TES: variants seen among roughly 807,000 people sequenced by gnomAD.
The protein encoded by TES is testin LIM domain protein.
Under a neutral mutation model 48.2 loss-of-function variants are expected in TES, and 41 were observed. That is an observed-to-expected ratio of 0.85 (90% confidence interval 0.66 to 1.10). TES has a LOEUF of 1.10. TES is among the 50% of genes least tolerant of loss of function. The pLI, the probability that TES is intolerant of heterozygous loss-of-function variation, is 0.00. For synonymous variants in TES, 162 were observed against 174.9 expected, an observed-to-expected ratio of 0.93 and a Z score of 0.58; for missense variants, 463 against 515.1, an observed-to-expected ratio of 0.90 and a Z score of 0.98.
chr7:116,221,265 T>A (rs1218629938), intron 1 of TES, among the ~76,000 whole-genome samples: 6 of 152,170 alleles, frequency 3.9e-5, no homozygotes, highest in Non-Finnish European at 8.8e-5. Flanking sequence ...CATGTGCCAA[T>A]CGCTATGCAA....
intron 2 of TES, chr7:116,238,140 C>T (rs1455633713): frequency 6.6e-6 from 1 of 152,150 alleles, no homozygotes; most frequent in African/African-American, 2.4e-5. Flanking sequence ...ATACCCAGAC[C>T]TCATTCTTCA....
intron 1 of TES, chr7:116,211,374 G>A (rs970052708): frequency 2.0e-5 from 3 of 152,186 alleles, no homozygotes; most frequent in Admixed American, 6.5e-5. Flanking sequence ...TCCTTGTTTG[G>A]CAGGTAGTCC....
intron 1 of TES, among the ~76,000 whole-genome samples, chr7:116,228,899 G>T (rs1403260842): frequency 6.6e-6 from 1 of 150,522 alleles, no homozygotes; most frequent in African/African-American, 2.4e-5. Context: ...CCCTGAACAC[G>T]CCAGTGACAC....
At chr7:116,213,980 T>G (rs1799466512) in intron 1 of TES, among the ~76,000 whole-genome samples, 1 of 152,118 alleles carries the variant, frequency 6.6e-6, no homozygotes, top group Non-Finnish European at 1.5e-5. Flanking sequence ...AGAAATATTT[T>G]TTTTCAATTA....
At chr7:116,215,285 AC>A (rs1290161011) in intron 1 of TES, among the ~76,000 whole-genome samples, 1 of 152,196 alleles carries the variant, frequency 6.6e-6, no homozygotes, top group Non-Finnish European at 1.5e-5. Flanking sequence ...TGGAATGATA[AC>A]TGTTATAAAA....
At chr7:116,249,317 G>A in intron 3 of TES, 45 bp downstream of exon 3, 1 of 1,609,794 alleles carries the variant, frequency 6.2e-7, no homozygotes, top group Non-Finnish European at 8.5e-7. Flanking sequence ...AGTTCCTGGA[G>A]TATTTATTTG....
intron 1 of TES, among the ~76,000 whole-genome samples, chr7:116,227,291 ATT>A (rs754550815): frequency 7.3e-6 from 1 of 137,366 alleles, no homozygotes. Flanking sequence ...TATTTTTTGT[ATT>A]TTTTTTTTTT....
chr7:116,226,482 C>T (rs1366785265), intron 1 of TES, among the ~76,000 whole-genome samples: 3 of 152,108 alleles, frequency 2.0e-5, no homozygotes, highest in African/African-American at 4.8e-5. Flanking sequence ...AAACAGAGAG[C>T]GGCTGGAGGG....
intron 1 of TES, 55 bp downstream of exon 1, chr7:116,210,789 C>A: frequency 1.6e-6 from 2 of 1,227,864 alleles, no homozygotes; most frequent in Non-Finnish European, 2.1e-6. Flanking sequence ...GGTCGCGCGG[C>A]GCGCGGCGGC....
At chr7:116,234,652 A>G (rs773129481) in intron 2 of TES, 33 bp downstream of exon 2, 154 of 1,567,452 alleles carry the variant, frequency 9.8e-5, no homozygotes, top group Non-Finnish European at 1.3e-4. Context: ...CACATTAGTA[A>G]TTTATACTTT....
intron 1 of TES, among the ~76,000 whole-genome samples, chr7:116,231,078 G>A (rs1035019199): frequency 2.0e-5 from 3 of 152,268 alleles, no homozygotes; most frequent in South Asian, 2.1e-4. Context: ...CATTTGACAC[G>A]CTAGTCCTCT....
At chr7:116,222,364 G>C (rs1799567304) in intron 1 of TES, among the ~76,000 whole-genome samples, 1 of 152,058 alleles carries the variant, frequency 6.6e-6, no homozygotes, top group Non-Finnish European at 1.5e-5. Flanking sequence ...CTGCTCCTCT[G>C]GGCAGCCTCC....
intron 2 of TES, among the ~76,000 whole-genome samples, chr7:116,237,017 C>T (rs1799780948): frequency 6.6e-6 from 1 of 152,176 alleles, no homozygotes; most frequent in Non-Finnish European, 1.5e-5. Flanking sequence ...GACTTTTTCA[C>T]CATAGCTAAA....
At chr7:116,254,747 AATATAT>A (rs901786807) in intron 6 of TES, among the ~76,000 whole-genome samples, 1 of 109,038 alleles carries the variant, frequency 9.2e-6, no homozygotes, top group African/African-American at 3.6e-5. Flanking sequence ...TCTCAAAAAA[AATATAT>A]ATATATGTGT....
At position 116,250,346 on chromosome 7, in the gene TES, C is replaced by T. The variant is rs77677130; in HGVS notation, c.552C>T (p.Ser184=). Reference sequence around the variant, plus strand: ...AGCAGTTTGTGAAGAAATATAAGAGCGAAGCTCTGGGAGTAGGAGATGTCA... The same window carrying T: ...AGCAGTTTGTGAAGAAATATAAGAGTGAAGCTCTGGGAGTAGGAGATGTCA... ...EMEQFVKKYK[S]EALGVGDVKL... The change falls in exon 4 of 7, where the codon AGC becomes AGT. Residue 184 remains serine, a synonymous_variant. Transcript: ENST00000358204. 1,522 of 1,613,632 alleles carry T rather than the reference C, an allele frequency of 9.4e-4. 2 individuals are homozygous for T. The highest frequency in any genetic ancestry group is 1.1e-3 in the Non-Finnish European group (1,300 of 1,179,804).
intron 2 of TES, among the ~76,000 whole-genome samples, chr7:116,248,260 T>G (rs1799954610): frequency 1.3e-5 from 2 of 152,204 alleles, no homozygotes. Context: ...TTTTCTATTG[T>G]GAATACTACT....
At chr7:116,241,713 G>A (rs996802523) in intron 2 of TES, among the ~76,000 whole-genome samples, 2 of 151,978 alleles carry the variant, frequency 1.3e-5, no homozygotes, top group Non-Finnish European at 2.9e-5. Context: ...CTTACCACTA[G>A]CGTTATTGGT....
At chr7:116,252,005 G>C in intron 5 of TES, 30 bp downstream of exon 5, 1 of 1,609,380 alleles carries the variant, frequency 6.2e-7, no homozygotes, top group Non-Finnish European at 8.5e-7. Flanking sequence ...CGGCATGCTG[G>C]TGCCCTCTTA....
intron 2 of TES, among the ~76,000 whole-genome samples, chr7:116,242,367 G>T (rs1479027171): frequency 2.0e-5 from 3 of 152,196 alleles, no homozygotes; most frequent in African/African-American, 7.2e-5. Flanking sequence ...CTTTCCACTA[G>T]ATGGGAGTAT....
Sources: allele counts gnomAD v4.1 joint callset (sites outside exome capture counted in the v4.1 genomes callset), GRCh38; gene constraint gnomAD v4.1.1; transcripts MANE v1.5; gene names NCBI Gene and HGNC (gene_info 2026-07-23, HGNC 2026-07-21).